LRGUK: variants seen among roughly 807,000 people sequenced by gnomAD.
The protein encoded by LRGUK is leucine-rich repeat and guanylate kinase domain-containing protein.
Under a neutral mutation model 76.0 loss-of-function variants are expected in LRGUK, and 65 were observed. That is an observed-to-expected ratio of 0.85 (90% CI 0.70 to 1.05). The LOEUF (loss-of-function observed/expected upper bound fraction) is 1.05, where lower values mean the gene tolerates loss of function less well. Ranked by LOEUF, LRGUK falls within the 50% of genes least tolerant of loss-of-function variation. LRGUK has a pLI of 0.00. For missense variants in LRGUK, 758 were observed against 732.8 expected (o/e 1.03, Z -0.40); for synonymous variants, 268 against 265.6 (o/e 1.01, Z -0.09).
chr7:134,224,154 A>G (rs1294616638), intron 16 of LRGUK, among the ~76,000 whole-genome samples: 1 of 152,210 alleles, frequency 6.6e-6, no homozygotes. Context: ...CAAATACAGC[A>G]TCAGTTCTTT....
At chr7:134,256,459 CA>C (rs34522132) in intron 18 of LRGUK, among the ~76,000 whole-genome samples, 3,532 of 57,484 alleles carry the variant, frequency 0.061, 70 homozygotes, top group African/African-American at 0.11. Flanking sequence ...AACTCTGTCT[CA>C]AAAAAAAAAA....
At chr7:134,221,757 C>T (rs746216074) in intron 15 of LRGUK, 22 bp from the exon 16 acceptor site, 3 of 1,461,122 alleles carry the variant, frequency 2.1e-6, no homozygotes, top group Non-Finnish European at 2.7e-6. Context: ...TTATTTTAAA[C>T]TTTATTTTTT....
chr7:134,253,900 G>T (rs1027719026), intron 18 of LRGUK, among the ~76,000 whole-genome samples: 1 of 152,114 alleles, frequency 6.6e-6, no homozygotes, highest in Non-Finnish European at 1.5e-5. Flanking sequence ...GAAAAAGTTT[G>T]TCTAGGTCCA....
At chr7:134,217,625 A>T (rs1028421122) in intron 15 of LRGUK, among the ~76,000 whole-genome samples, 3 of 152,130 alleles carry the variant, frequency 2.0e-5, no homozygotes, top group Non-Finnish European at 2.9e-5. Context: ...GATAGACAAG[A>T]CTTTTAAGAT....
chr7:134,168,497 G>A (rs1799094613), intron 7 of LRGUK, among the ~76,000 whole-genome samples: 1 of 152,200 alleles, frequency 6.6e-6, no homozygotes, highest in African/African-American at 2.4e-5. Context: ...ATTCTGGAAT[G>A]ACTGTGTATA....
At chr7:134,204,185 A>G (rs902314966) in intron 15 of LRGUK, among the ~76,000 whole-genome samples, 3 of 152,206 alleles carry the variant, frequency 2.0e-5, no homozygotes, top group African/African-American at 7.2e-5. Context: ...TTGCCTCAAC[A>G]GCCAGTGAGA....
intron 1 of LRGUK, among the ~76,000 whole-genome samples, chr7:134,132,779 A>G (rs978123291): frequency 6.6e-6 from 1 of 152,176 alleles, no homozygotes; most frequent in Non-Finnish European, 1.5e-5. Flanking sequence ...CTGAGTAGAG[A>G]GAAGGCACAG....
chr7:134,133,671 G>C (rs17167451), intron 1 of LRGUK, among the ~76,000 whole-genome samples: 20,513 of 152,068 alleles, frequency 0.13, 1,686 homozygotes, highest in East Asian at 0.32. Flanking sequence ...CCTCAATGCA[G>C]CAGTTGATTA....
At chr7:134,262,390 A>G (rs577923214) in intron 19 of LRGUK, among the ~76,000 whole-genome samples, 3 of 152,340 alleles carry the variant, frequency 2.0e-5, no homozygotes, top group African/African-American at 7.2e-5. Context: ...AAATAAAAAT[A>G]AAGTCAAATA....
At chr7:134,263,419 C>CTGTGTGTGTGTGTGTGTGTGTGTGTGTG (rs60637538) in intron 19 of LRGUK, among the ~76,000 whole-genome samples, 9,818 of 149,512 alleles carry the variant, frequency 0.066, 492 homozygotes, top group Non-Finnish European at 0.098. Flanking sequence ...GTGTGTGTGT[C>CTGTGTGTGTGTGTGTGTGTGTGTGTGTG]TGTGTGCATG....
chr7:134,259,083 G>A (rs1274698450), intron 19 of LRGUK, among the ~76,000 whole-genome samples: 3 of 152,114 alleles, frequency 2.0e-5, no homozygotes, highest in African/African-American at 7.2e-5. Context: ...TTGCAGTCCA[G>A]TCTTCACTGT....
intron 15 of LRGUK, among the ~76,000 whole-genome samples, chr7:134,218,554 C>A (rs1418100187): frequency 1.3e-5 from 2 of 151,994 alleles, no homozygotes; most frequent in African/African-American, 4.8e-5. Flanking sequence ...ATAACTTGAC[C>A]CCCAAATGGT....
chr7:134,149,117 A>AC (rs1470919280), intron 5 of LRGUK, among the ~76,000 whole-genome samples: 12 of 151,304 alleles, frequency 7.9e-5, no homozygotes, highest in African/African-American at 9.7e-5. Context: ...TTAAAAAAAA[A>AC]AAAAAACAAC....
At chr7:134,242,555 T>C (rs1459494890) in intron 16 of LRGUK, among the ~76,000 whole-genome samples, 1 of 152,196 alleles carries the variant, frequency 6.6e-6, no homozygotes, top group Non-Finnish European at 1.5e-5. Flanking sequence ...ATTGCGGCAA[T>C]AATTAATAGC....
chr7:134,200,072 C>T (rs1800703934), intron 14 of LRGUK, among the ~76,000 whole-genome samples: 1 of 132,164 alleles, frequency 7.6e-6, no homozygotes, highest in Admixed American at 8.5e-5. Context: ...GCTCTGTCAC[C>T]CAGGCTGGAG....
chr7:134,257,358 G>T (rs1005150410), intron 18 of LRGUK, among the ~76,000 whole-genome samples: 1 of 152,178 alleles, frequency 6.6e-6, no homozygotes, highest in Non-Finnish European at 1.5e-5. Flanking sequence ...GCTTGCCAGG[G>T]CTTTGCAGGA....
At chr7:134,204,218 A>T (rs1310080407) in intron 15 of LRGUK, among the ~76,000 whole-genome samples, 3 of 152,182 alleles carry the variant, frequency 2.0e-5, no homozygotes. Flanking sequence ...ATCTTTTCTT[A>T]TTCTACAACT....
At chr7:134,154,670 A>C (rs1409654076) in intron 5 of LRGUK, among the ~76,000 whole-genome samples, 2 of 152,182 alleles carry the variant, frequency 1.3e-5, no homozygotes, top group Non-Finnish European at 2.9e-5. Flanking sequence ...TGTTCAGGCA[A>C]CTCCTGCTCC....
intron 4 of LRGUK, among the ~76,000 whole-genome samples, chr7:134,144,527 T>C (rs1269235161): frequency 6.6e-6 from 1 of 152,250 alleles, no homozygotes; most frequent in Non-Finnish European, 1.5e-5. Context: ...TGTTGTTGTA[T>C]TGGACTCAAA....
Sources: gnomAD v4.1 joint callset for allele counts (sites outside exome capture counted in the v4.1 genomes callset) on GRCh38, gnomAD v4.1.1 for gene constraint, MANE v1.5 for transcripts, NCBI Gene and HGNC (gene_info 2026-07-23, HGNC 2026-07-21) for gene names.